Variants in HIPK2 observed in about 807,000 individuals in gnomAD.
HIPK2 encodes homeodomain interacting protein kinase 2, also known as homeodomain-interacting protein kinase 2.
Under a neutral mutation model 113.7 loss-of-function variants are expected in HIPK2, and 27 were observed. The ratio of observed to expected loss-of-function variants is 0.24; its 90% CI spans 0.17 to 0.33. The LOEUF (loss-of-function observed/expected upper bound fraction) is 0.33. HIPK2 is among the 10% of genes least tolerant of loss of function. The pLI, the probability that HIPK2 is intolerant of heterozygous loss-of-function variation, is 1.00. For synonymous variants in HIPK2, 631 were observed against 642.2 expected (o/e 0.98, Z 0.26); for missense variants, 1,257 against 1,588.0 (o/e 0.79, Z 3.54).
At chr7:139,580,311 A>C (rs1193991656) in intron 13 of HIPK2, among the ~76,000 whole-genome samples, 1 of 152,170 alleles carries the variant, frequency 6.6e-6, no homozygotes, top group African/African-American at 2.4e-5. Context: ...AATGGGCGTA[A>C]TGCAGCCCTG....
intron 11 of HIPK2, among the ~76,000 whole-genome samples, chr7:139,597,516 T>A (rs2116659717): frequency 6.6e-6 from 1 of 152,356 alleles, no homozygotes; most frequent in South Asian, 2.1e-4. Context: ...AGTTTCAGGA[T>A]CTAAAGGACC....
At chr7:139,626,162 G>A (rs935484783) in intron 6 of HIPK2, among the ~76,000 whole-genome samples, 2 of 151,428 alleles carry the variant, frequency 1.3e-5, no homozygotes, top group African/African-American at 4.9e-5. Flanking sequence ...GAGTGCAATG[G>A]CGCGATCTCG....
chr7:139,564,365 C>T lies in HIPK2; in HGVS notation c.*8562G>A, dbSNP rs1798031944. 6.2e-6 allele frequency: 1 copy of T among 161,646 alleles called. No homozygotes were observed. Among genetic ancestry groups the T allele is most frequent in the South Asian group, 2.0e-4 (1 of 4,912 alleles). The allele number at this position is 161,646 out of a possible 1,614,324, so 10.0% of individuals were successfully genotyped here. A position where few individuals can be genotyped will look rare whatever the true frequency, so the allele number is the denominator to read the frequency against. On this transcript the variant is annotated 3_prime_UTR_variant, in exon 15 of 15. Transcript: ENST00000406875. ...CCTGAATCCCAGTCTCTTCTACTGC[C>T]TGGTGCCTGGAAATCAGTGGATCTA...
intron 1 of HIPK2, among the ~76,000 whole-genome samples, chr7:139,766,668 C>A (rs1165400526): frequency 6.6e-6 from 1 of 152,200 alleles, no homozygotes; most frequent in Admixed American, 6.5e-5. Flanking sequence ...CATGCGCTGG[C>A]GACAAGTGGA....
chr7:139,640,845 A>G (rs1353455180), intron 2 of HIPK2, among the ~76,000 whole-genome samples: 1 of 152,078 alleles, frequency 6.6e-6, no homozygotes, highest in Non-Finnish European at 1.5e-5. Context: ...TGAGCTCTTG[A>G]GCTCAAGCAA....
intron 11 of HIPK2, 24 bp from the exon 12 acceptor site, chr7:139,597,022 C>A: frequency 6.4e-7 from 1 of 1,573,958 alleles, no homozygotes; most frequent in Non-Finnish European, 8.7e-7. Flanking sequence ...ACCACACTCT[C>A]ACACAGAGGA....
chr7:139,718,001 C>T (rs979461512), intron 1 of HIPK2, among the ~76,000 whole-genome samples: 2 of 152,124 alleles, frequency 1.3e-5, no homozygotes, highest in African/African-American at 4.8e-5. Context: ...GCCTCAGCCT[C>T]CCAAAGTGCT....
At chr7:139,769,499 C>T (rs1796613569) in intron 1 of HIPK2, among the ~76,000 whole-genome samples, 1 of 152,210 alleles carries the variant, frequency 6.6e-6, no homozygotes, top group Non-Finnish European at 1.5e-5. Flanking sequence ...CAACTGATCC[C>T]AAACACTTAC....
intron 12 of HIPK2, among the ~76,000 whole-genome samples, chr7:139,590,711 G>A (rs1798988634): frequency 6.6e-6 from 1 of 152,032 alleles, no homozygotes; most frequent in South Asian, 2.1e-4. Context: ...CTTTTGGCTG[G>A]GCACAGTGGC....
chr7:139,580,416 G>A (rs987276301), intron 13 of HIPK2, among the ~76,000 whole-genome samples: 1 of 152,242 alleles, frequency 6.6e-6, no homozygotes, highest in African/African-American at 2.4e-5. Flanking sequence ...AGGACGTCCT[G>A]AAGGGGACCA....
chr7:139,587,577 A>G (rs1278725767), intron 12 of HIPK2, among the ~76,000 whole-genome samples: 1 of 151,524 alleles, frequency 6.6e-6, no homozygotes, highest in Non-Finnish European at 1.5e-5. Context: ...AGAGACACCC[A>G]GAGGGTGGGA....
At chr7:139,660,940 G>A (rs1352862220) in intron 2 of HIPK2, among the ~76,000 whole-genome samples, 1 of 151,990 alleles carries the variant, frequency 6.6e-6, no homozygotes, top group Non-Finnish European at 1.5e-5. Context: ...GAACACGCAC[G>A]TGGATGTTCC....
chr7:139,606,909 T>A (rs1799637867), intron 9 of HIPK2, among the ~76,000 whole-genome samples: 1 of 152,000 alleles, frequency 6.6e-6, no homozygotes, highest in African/African-American at 2.4e-5. Flanking sequence ...TGAAAGAGAA[T>A]AAAATAAGCA....
chr7:139,579,875 G>A lies in HIPK2; in HGVS notation c.2965+3942C>T, dbSNP rs79461629. On this transcript the variant is annotated intron_variant, in intron 13 of 14. Transcript: ENST00000406875. ...TCCCTCGAGTAGGTACGGGAGATCCGGAATCAGTATTCTTAGCAAGCTTCC... is the reference window on the plus strand; with the variant it reads ...TCCCTCGAGTAGGTACGGGAGATCCAGAATCAGTATTCTTAGCAAGCTTCC... Among the ~76,000 whole-genome samples the A allele has an allele frequency of 8.1e-3, 1,230 of 152,218 alleles. 21 individuals carry two copies. Among genetic ancestry groups the A allele is most frequent in the African/African-American group, 0.028 (1,170 of 41,536 alleles).
At chr7:139,652,822 G>A (rs1296598895) in intron 2 of HIPK2, among the ~76,000 whole-genome samples, 1 of 152,098 alleles carries the variant, frequency 6.6e-6, no homozygotes, top group African/African-American at 2.4e-5. Flanking sequence ...CATCATTAAC[G>A]AAGGTACAGA....
At chr7:139,735,709 A>G (rs1795917659) in intron 1 of HIPK2, among the ~76,000 whole-genome samples, 1 of 152,218 alleles carries the variant, frequency 6.6e-6, no homozygotes, top group African/African-American at 2.4e-5. Context: ...GAGTGCTCTC[A>G]GAGTCAGCGA....
At chr7:139,625,110 G>GTCCA (rs1800380657) in intron 6 of HIPK2, among the ~76,000 whole-genome samples, 1 of 152,050 alleles carries the variant, frequency 6.6e-6, no homozygotes, top group Non-Finnish European at 1.5e-5. Context: ...CATGCCCCTC[G>GTCCA]TCCATCTATC....
chr7:139,626,605 T>C lies in HIPK2; in HGVS notation c.1615A>G (p.Thr539Ala). The change falls in exon 6 of 15, where the codon ACA becomes GCA. Residue 539 changes from threonine to alanine, a missense_variant. Transcript: ENST00000406875. ...AGCATCAGGCAGGACACCTACTGTG[T>C]GCTGTGGGGAAAATCGAGTAAGTGT... ...MTHLLDFPHS[T>A]HVKSCFQNME... 6.2e-7 allele frequency: 1 copy of C among 1,613,402 alleles called. No individual in the cohort carries two copies. Among genetic ancestry groups the C allele is most frequent in the Non-Finnish European group, 8.5e-7 (1 of 1,179,590 alleles).
At chr7:139,686,349 G>A (rs1794217640) in intron 2 of HIPK2, among the ~76,000 whole-genome samples, 1 of 152,202 alleles carries the variant, frequency 6.6e-6, no homozygotes, top group South Asian at 2.1e-4. Flanking sequence ...ATCTATTTCT[G>A]GTGAAGATGC....
Sources: gnomAD v4.1 joint callset for allele counts (sites outside exome capture counted in the v4.1 genomes callset) on GRCh38, gnomAD v4.1.1 for gene constraint, MANE v1.5 for transcripts, NCBI Gene and HGNC (gene_info 2026-07-23, HGNC 2026-07-21) for gene names.